GRK3: variants seen among roughly 807,000 people sequenced by gnomAD.
GRK3 encodes G protein-coupled receptor kinase 3.
In GRK3, 54 loss-of-function variants were observed where a neutral mutation model predicts 95.7. The ratio of observed to expected loss-of-function variants is 0.56; its 90% confidence interval spans 0.45 to 0.71. The LOEUF is 0.71. Among genes scored for constraint, GRK3 ranks in the 30% least tolerant of loss-of-function variants. The pLI is 0.00. For missense variants in GRK3, 649 were observed against 851.2 expected, an observed-to-expected ratio of 0.76 and a Z score of 2.96; for synonymous variants, 281 against 290.8, an observed-to-expected ratio of 0.97 and a Z score of 0.34.
At chr22:25,675,317 A>G (rs893525108) in intron 8 of GRK3, among the ~76,000 whole-genome samples, 1 of 152,196 alleles carries the variant, frequency 6.6e-6, no homozygotes, top group African/African-American at 2.4e-5. Flanking sequence ...CCTGTGGACA[A>G]TGATCACCGA....
chr22:25,580,148 TATAGGGAAGCAACAGAC>T (rs1191242385), intron 1 of GRK3: 1 of 152,064 alleles, frequency 6.6e-6, no homozygotes, highest in African/African-American at 2.4e-5. Flanking sequence ...TGAAAGACCT[TATAGGGAAGCAACAGAC>T]AGAAAGGGCA....
chr22:25,686,221 C>CAA (rs150613134), intron 10 of GRK3, among the ~76,000 whole-genome samples: 49 of 104,018 alleles, frequency 4.7e-4, no homozygotes, highest in African/African-American at 1.7e-3. Context: ...GACTCCGTCT[C>CAA]AAAAAAAAAA....
intron 1 of GRK3, among the ~76,000 whole-genome samples, chr22:25,568,294 G>A (rs1931564605): frequency 6.6e-6 from 1 of 152,042 alleles, no homozygotes; most frequent in African/African-American, 2.4e-5. Context: ...ACTGTAGGCT[G>A]TATTACTCTG....
At chr22:25,590,049 G>C (rs919893062) in intron 1 of GRK3, among the ~76,000 whole-genome samples, 2 of 152,176 alleles carry the variant, frequency 1.3e-5, no homozygotes, top group African/African-American at 4.8e-5. Flanking sequence ...AATTCAAGAT[G>C]AGATTTGGAT....
chr22:25,644,700 C>G (rs768645022), intron 3 of GRK3, 35 bp downstream of exon 3: 2 of 1,078,532 alleles, frequency 1.9e-6, no homozygotes, highest in Non-Finnish European at 2.8e-6. Context: ...GCTTTTCTTT[C>G]AAAAGCATAT....
intron 17 of GRK3, 106 bp from the exon 18 acceptor site, chr22:25,714,289 GCCATCTAGTCATC>G (rs747260532): frequency 1.2e-4 from 90 of 764,596 alleles, no homozygotes; most frequent in Non-Finnish European, 1.8e-4. Flanking sequence ...GATTACTGCT[GCCATCTAGTCATC>G]TTCCTATATA....
chr22:25,721,087 T>A (rs2085428795), intron 19 of GRK3, among the ~76,000 whole-genome samples, 197 bp from the exon 20 acceptor site: 1 of 152,366 alleles, frequency 6.6e-6, no homozygotes, highest in Middle Eastern at 3.4e-3. Flanking sequence ...TCTCTGCAGT[T>A]TTCCTTGAAA....
intron 3 of GRK3, among the ~76,000 whole-genome samples, chr22:25,654,161 A>G (rs950261892): frequency 6.6e-6 from 1 of 152,254 alleles, no homozygotes; most frequent in African/African-American, 2.4e-5. Context: ...CTGAAAATGA[A>G]TATACTTCTA....
At chr22:25,694,880 A>G (rs1287193366) in intron 12 of GRK3, among the ~76,000 whole-genome samples, 1 of 152,174 alleles carries the variant, frequency 6.6e-6, no homozygotes, top group Non-Finnish European at 1.5e-5. Flanking sequence ...CATTTTACAT[A>G]TTTATTTCAT....
At chr22:25,609,378 C>T (rs541409581) in intron 2 of GRK3, among the ~76,000 whole-genome samples, 1 of 151,544 alleles carries the variant, frequency 6.6e-6, no homozygotes, top group South Asian at 2.1e-4. Context: ...GTTGCCCAGG[C>T]TGGAGTACAG....
chr22:25,578,097 T>C (rs139425869), intron 1 of GRK3, among the ~76,000 whole-genome samples: 280 of 152,304 alleles, frequency 1.8e-3, no homozygotes, highest in African/African-American at 6.3e-3. Flanking sequence ...ATAAAAATTC[T>C]GTAAGATCAA....
intron 2 of GRK3, among the ~76,000 whole-genome samples, chr22:25,617,833 A>G (rs1396711645): frequency 6.6e-6 from 1 of 152,026 alleles, no homozygotes; most frequent in Non-Finnish European, 1.5e-5. Context: ...CTGGAGTGCA[A>G]TGGCTTGATC....
chr22:25,705,388 A>G (rs1212709683), intron 15 of GRK3, among the ~76,000 whole-genome samples: 3 of 152,152 alleles, frequency 2.0e-5, no homozygotes, highest in Non-Finnish European at 4.4e-5. Context: ...CTTTCATGTT[A>G]ATTTTTATTT....
chr22:25,668,269 TG>T (rs1425934928), intron 6 of GRK3, among the ~76,000 whole-genome samples: 1 of 152,236 alleles, frequency 6.6e-6, no homozygotes, highest in African/African-American at 2.4e-5. Context: ...ATATGTCCCT[TG>T]GTTACTCAAA....
At chr22:25,567,052 G>A (rs1362662405) in intron 1 of GRK3, among the ~76,000 whole-genome samples, 1 of 151,850 alleles carries the variant, frequency 6.6e-6, no homozygotes, top group Non-Finnish European at 1.5e-5. Context: ...TCACTTCCTT[G>A]TATGAATGCC....
At chr22:25,579,066 G>T (rs1400210506) in intron 1 of GRK3, among the ~76,000 whole-genome samples, 1 of 152,032 alleles carries the variant, frequency 6.6e-6, no homozygotes, top group Non-Finnish European at 1.5e-5. Context: ...AAAAGGTAAA[G>T]AATTAAGCAT....
At chr22:25,656,963 T>A (rs1423625815) in intron 3 of GRK3, among the ~76,000 whole-genome samples, 1 of 152,114 alleles carries the variant, frequency 6.6e-6, no homozygotes, top group Non-Finnish European at 1.5e-5. Context: ...AGGCTAAAGT[T>A]GTGGCCAAGA....
chr22:25,728,662 C>G lies in GRK3; in HGVS notation c.*6212C>G, dbSNP rs2085493182. 1 of 152,198 alleles carries G rather than the reference C, an allele frequency of 6.6e-6. No homozygotes were observed. The highest frequency in any genetic ancestry group is 6.5e-5 in the Admixed American group (1 of 15,286). The allele number at this position is 152,198 out of a possible 1,614,324, so 9.4% of individuals were successfully genotyped here. On this transcript the variant is annotated 3_prime_UTR_variant, in exon 21 of 21. Transcript: ENST00000324198. Reference sequence around the variant, plus strand: ...ACCTTCACTCTTTGAAAAAGGCAAGCTGTGCTTAGAAACACTGCTTTTAAG... The same window carrying G: ...ACCTTCACTCTTTGAAAAAGGCAAGGTGTGCTTAGAAACACTGCTTTTAAG...
intron 2 of GRK3, among the ~76,000 whole-genome samples, chr22:25,629,294 A>G (rs2084648422): frequency 6.6e-6 from 1 of 152,202 alleles, no homozygotes; most frequent in African/African-American, 2.4e-5. Context: ...AGACAAGTGG[A>G]TGGCAGAGAA....
Sources: gnomAD v4.1 joint callset for allele counts (sites outside exome capture counted in the v4.1 genomes callset) on GRCh38, gnomAD v4.1.1 for gene constraint, MANE v1.5 for transcripts, NCBI Gene and HGNC (gene_info 2026-07-23, HGNC 2026-07-21) for gene names.